Variants in CNTN5 observed in about 807,000 individuals in gnomAD.
CNTN5 encodes contactin 5.
Under a neutral mutation model 129.1 loss-of-function variants are expected in CNTN5, and 77 were observed. That is an observed-to-expected ratio of 0.60 (90% CI 0.50 to 0.72). The LOEUF is 0.72. CNTN5 is among the 30% of genes least tolerant of loss of function. CNTN5 has a pLI of 0.00. For synonymous variants in CNTN5, 509 were observed against 465.6 expected, an observed-to-expected ratio of 1.09 and a Z score of -1.20; for missense variants, 1,478 against 1,328.8, an observed-to-expected ratio of 1.11 and a Z score of -1.75.
intron 3 of CNTN5, among the ~76,000 whole-genome samples, chr11:99,600,574 A>G (rs1271822222): frequency 6.6e-6 from 1 of 152,042 alleles, no homozygotes; most frequent in East Asian, 1.9e-4. Flanking sequence ...GCCTCTCCTT[A>G]CCCCTAGGAT....
At chr11:99,613,854 A>T (rs1467153223) in intron 3 of CNTN5, among the ~76,000 whole-genome samples, 1 of 152,132 alleles carries the variant, frequency 6.6e-6, no homozygotes, top group African/African-American at 2.4e-5. Context: ...TAGAATAAAT[A>T]TTTTTGATGT....
chr11:100,083,070 T>C (rs540384928), intron 13 of CNTN5, among the ~76,000 whole-genome samples: 16 of 151,898 alleles, frequency 1.1e-4, no homozygotes, highest in African/African-American at 3.6e-4. Flanking sequence ...AATCCCAGCA[T>C]TTTGGGAGGC....
intron 23 of CNTN5, among the ~76,000 whole-genome samples, chr11:100,347,627 G>T (rs1016695540): frequency 6.6e-6 from 1 of 152,070 alleles, no homozygotes; most frequent in Admixed American, 6.6e-5. Context: ...TGCCCAAAAA[G>T]AAATCTTGTT....
chr11:99,037,566 T>C (rs1565266802), intron 1 of CNTN5, among the ~76,000 whole-genome samples: 1 of 144,756 alleles, frequency 6.9e-6, no homozygotes, highest in Non-Finnish European at 1.5e-5. Flanking sequence ...TTTTCCTTCT[T>C]TTTTCTTTTC....
At chr11:99,085,300 C>T (rs949177731) in intron 1 of CNTN5, among the ~76,000 whole-genome samples, 17 of 152,154 alleles carry the variant, frequency 1.1e-4, no homozygotes, top group Admixed American at 9.2e-4. Context: ...CTGCCTCAGC[C>T]TCCCAAAGTG....
chr11:99,369,264 G>C (rs1278230450), intron 2 of CNTN5, among the ~76,000 whole-genome samples: 3 of 93,356 alleles, frequency 3.2e-5, no homozygotes, highest in Non-Finnish European at 7.4e-5. Flanking sequence ...AAGTGCAATT[G>C]CAAATTTTCT....
intron 1 of CNTN5, among the ~76,000 whole-genome samples, chr11:99,031,643 C>G: frequency 7.1e-6 from 1 of 139,966 alleles, no homozygotes; most frequent in South Asian, 2.4e-4. Flanking sequence ...GAAAAAAAAA[C>G]CAAACAAACC....
At chr11:99,901,867 A>G (rs1417735870) in intron 6 of CNTN5, among the ~76,000 whole-genome samples, 1 of 152,208 alleles carries the variant, frequency 6.6e-6, no homozygotes, top group Non-Finnish European at 1.5e-5. Context: ...GCTGTCATTT[A>G]TTAAGGGTTC....
intron 3 of CNTN5, among the ~76,000 whole-genome samples, chr11:99,653,608 C>A (rs763696002): frequency 2.6e-5 from 4 of 151,928 alleles, no homozygotes; most frequent in African/African-American, 4.8e-5. Flanking sequence ...TGCTTATAGG[C>A]AAGAAAGAAA....
At chr11:100,285,770 G>A (rs1006889682) in intron 18 of CNTN5, among the ~76,000 whole-genome samples, 15 of 152,230 alleles carry the variant, frequency 9.9e-5, no homozygotes, top group African/African-American at 3.4e-4. Context: ...GGCCGAATAG[G>A]AACAGCTCCG....
At chr11:99,627,105 T>C (rs920257225) in intron 3 of CNTN5, among the ~76,000 whole-genome samples, 2 of 152,066 alleles carry the variant, frequency 1.3e-5, no homozygotes, top group African/African-American at 2.4e-5. Context: ...GATAGAAGCC[T>C]GTCCCCTGAG....
At chr11:99,978,976 G>C (rs1486598089) in intron 8 of CNTN5, among the ~76,000 whole-genome samples, 1 of 152,140 alleles carries the variant, frequency 6.6e-6, no homozygotes, top group African/African-American at 2.4e-5. Flanking sequence ...TGCTATCCCA[G>C]TTCTGCCCCG....
At position 100,008,374 on chromosome 11, in the gene CNTN5, A is replaced by C. The variant is rs116066412; in HGVS notation, c.980+6238A>C. ...AATGTGTGCCAGTACCTTCTGTCTT[A>C]AGAAAAAATAATTCACTTATTAATT... On this transcript the variant is annotated intron_variant, in intron 9 of 24. Coordinates refer to ENST00000524871, the MANE Select transcript of CNTN5 (RefSeq NM_014361.4). 4.2e-3 allele frequency among the ~76,000 whole-genome samples: 636 copies of C among 152,196 alleles called. 4 individuals carry two copies. Among genetic ancestry groups the C allele is most frequent in the African/African-American group, 0.015 (617 of 41,548 alleles).
intron 7 of CNTN5, among the ~76,000 whole-genome samples, chr11:99,953,256 C>T (rs1248848735): frequency 6.6e-6 from 1 of 152,100 alleles, no homozygotes; most frequent in Non-Finnish European, 1.5e-5. Flanking sequence ...GGAAATGCGT[C>T]ACTTAAATAA....
chr11:99,372,326 T>C (rs1022093442), intron 2 of CNTN5, among the ~76,000 whole-genome samples: 3 of 151,924 alleles, frequency 2.0e-5, no homozygotes, highest in African/African-American at 7.3e-5. Context: ...AGAGCACACG[T>C]AAAGAAACAA....
intron 1 of CNTN5, among the ~76,000 whole-genome samples, chr11:99,171,633 A>G (rs1248473388): frequency 2.6e-5 from 4 of 152,190 alleles, no homozygotes; most frequent in Non-Finnish European, 5.9e-5. Flanking sequence ...GCTTCGAAAG[A>G]ATTACTAATG....
intron 8 of CNTN5, among the ~76,000 whole-genome samples, chr11:99,962,412 G>GT (rs1224801409): frequency 2.0e-5 from 3 of 151,084 alleles, no homozygotes; most frequent in East Asian, 2.0e-4. Context: ...GCAGTGTTTG[G>GT]TTTTTTGTCC....
intron 17 of CNTN5, among the ~76,000 whole-genome samples, chr11:100,270,171 T>C (rs773352711): frequency 6.6e-6 from 1 of 152,166 alleles, no homozygotes; most frequent in Non-Finnish European, 1.5e-5. Context: ...GCTCTGAGCA[T>C]TCACCTTTCA....
At chr11:99,819,318 C>CCCTCT (rs1249286433) in intron 3 of CNTN5, among the ~76,000 whole-genome samples, 5 of 30,496 alleles carry the variant, frequency 1.6e-4, no homozygotes, top group Non-Finnish European at 2.6e-4. Flanking sequence ...CCCTCTCCTC[C>CCCTCT]CCTCCCCTCC....
Sources: gnomAD v4.1 joint callset for allele counts (sites outside exome capture counted in the v4.1 genomes callset) on GRCh38, gnomAD v4.1.1 for gene constraint, MANE v1.5 for transcripts, NCBI Gene and HGNC (gene_info 2026-07-23, HGNC 2026-07-21) for gene names.